THRB: variants seen among roughly 807,000 people sequenced by gnomAD.
The protein encoded by THRB is thyroid hormone receptor beta, also known as nuclear receptor subfamily 1 group A member 2.
A neutral mutation model predicts 47.8 loss-of-function variants in THRB; 12 were observed. The ratio of observed to expected loss-of-function variants is 0.25; its 90% confidence interval spans 0.16 to 0.41. The LOEUF (loss-of-function observed/expected upper bound fraction) is 0.41, where lower values mean the gene tolerates loss of function less well. Ranked by LOEUF, THRB falls within the 10% of genes least tolerant of loss-of-function variation. The pLI, the probability that THRB is intolerant of heterozygous loss-of-function variation, is 1.00. For missense variants in THRB, 348 were observed against 589.2 expected (o/e 0.59, Z 4.24); for synonymous variants, 218 against 212.2 (o/e 1.03, Z -0.24).
chr3:24,437,958 C>T (rs9837475), intron 1 of THRB, among the ~76,000 whole-genome samples: 10 of 151,636 alleles, frequency 6.6e-5, no homozygotes, highest in African/African-American at 1.2e-4. Flanking sequence ...ACAAGCAGGA[C>T]GGCATCTTAA....
chr3:24,478,547 A>T (rs1695829815), intron 1 of THRB, among the ~76,000 whole-genome samples: 1 of 152,180 alleles, frequency 6.6e-6, no homozygotes, highest in African/African-American at 2.4e-5. Context: ...ATTGTTTACA[A>T]TGCAGATGGG....
intron 3 of THRB, among the ~76,000 whole-genome samples, chr3:24,263,677 C>G (rs2052331778): frequency 6.7e-6 from 1 of 150,100 alleles, no homozygotes; most frequent in African/African-American, 2.5e-5. Context: ...ACAGAGTGGG[C>G]ACTCAATAAA....
chr3:24,438,385 G>T (rs2125368426), intron 1 of THRB, among the ~76,000 whole-genome samples: 1 of 152,230 alleles, frequency 6.6e-6, no homozygotes, highest in South Asian at 2.1e-4. Context: ...GACACCAACT[G>T]ATCTTCATGT....
intron 9 of THRB, among the ~76,000 whole-genome samples, chr3:24,128,304 A>G (rs2033256046): frequency 6.6e-6 from 1 of 152,176 alleles, no homozygotes; most frequent in African/African-American, 2.4e-5. Flanking sequence ...CAGAGATATA[A>G]GCTTCATCTA....
intron 3 of THRB, among the ~76,000 whole-genome samples, chr3:24,241,219 G>T (rs961808520): frequency 2.6e-5 from 4 of 151,964 alleles, no homozygotes; most frequent in African/African-American, 7.2e-5. Flanking sequence ...AACCACACAG[G>T]ATGCAGAAAA....
At chr3:24,161,822 TCCCCCA>T (rs1289378891) in intron 5 of THRB, among the ~76,000 whole-genome samples, 102 of 109,336 alleles carry the variant, frequency 9.3e-4, no homozygotes, top group Admixed American at 1.4e-3. Flanking sequence ...AGGACAACCC[TCCCCCA>T]CCCCCACCCC....
chr3:24,135,067 C>A (rs2148912183), intron 8 of THRB, among the ~76,000 whole-genome samples: 1 of 152,240 alleles, frequency 6.6e-6, no homozygotes, highest in East Asian at 1.9e-4. Flanking sequence ...TGGGAATCTG[C>A]ATTTCTAACA....
chr3:24,404,797 A>T (rs972559627), intron 1 of THRB, among the ~76,000 whole-genome samples: 2 of 151,878 alleles, frequency 1.3e-5, no homozygotes, highest in Admixed American at 6.6e-5. Context: ...AATTTTTAAG[A>T]ATAAGATCAA....
chr3:24,420,715 G>A (rs2069164239), intron 1 of THRB, among the ~76,000 whole-genome samples: 1 of 151,800 alleles, frequency 6.6e-6, no homozygotes, highest in Admixed American at 6.6e-5. Context: ...TGCTGGCAAG[G>A]TTGCAGAGTA....
rs573886832 is a variant in THRB at position 24,170,732 on chromosome 3, T to A, written c.284-18242A>T. On this transcript the variant is annotated intron_variant, in intron 5 of 10. Transcript: ENST00000646209. ...TGTTTGGATGGAGCCTAAGTGACAT[T>A]TTGTGTGTCAGGAACCTCTTGATAC... 2.6e-5 allele frequency among the ~76,000 whole-genome samples: 4 copies of A among 152,222 alleles called. No homozygotes were observed. In the East Asian group the frequency reaches 7.7e-4, roughly 29 times the overall value.
intron 1 of THRB, among the ~76,000 whole-genome samples, chr3:24,437,261 C>T (rs962001918): frequency 5.9e-5 from 9 of 151,498 alleles, no homozygotes; most frequent in African/African-American, 1.9e-4. Flanking sequence ...GAGGTCATTG[C>T]GTTAAGTGAA....
At chr3:24,156,791 C>T (rs2037924481) in intron 5 of THRB, among the ~76,000 whole-genome samples, 2 of 152,168 alleles carry the variant, frequency 1.3e-5, no homozygotes, top group East Asian at 1.9e-4. Flanking sequence ...TGAACCTCCT[C>T]AGTTCATCCT....
rs1184707784 is a variant in THRB at position 24,120,298 on chromosome 3, T to C, written c.*2586A>G. The C allele has an allele frequency of 6.6e-6, 1 of 152,196 alleles. No homozygotes were observed. The highest frequency in any genetic ancestry group is 1.5e-5 in the Non-Finnish European group (1 of 68,050). 9.4% of individuals were successfully genotyped at this position (152,196 alleles called of 1,614,324 possible). A position where few individuals can be genotyped will look rare whatever the true frequency, so the allele number is the denominator to read the frequency against. On this transcript the variant is annotated 3_prime_UTR_variant, in exon 11 of 11. Transcript: ENST00000646209. The stretch of plus-strand genomic sequence containing the variant: ...GATTTCCAGACCAGCAGTTTGCCTA[T>C]TGAAGGCAATCAATCATTTAAGGTG...
intron 1 of THRB, among the ~76,000 whole-genome samples, chr3:24,351,096 AT>A (rs1479724141): frequency 1.3e-5 from 2 of 151,984 alleles, no homozygotes; most frequent in South Asian, 2.1e-4. Flanking sequence ...AATAGCAGAA[AT>A]TTTTTTCTTG....
intron 2 of THRB, among the ~76,000 whole-genome samples, chr3:24,329,686 T>C (rs2061795206): frequency 6.6e-6 from 1 of 152,216 alleles, no homozygotes; most frequent in Non-Finnish European, 1.5e-5. Context: ...GCACAATAAT[T>C]GGCCCAGTTC....
chr3:24,283,432 C>A (rs1310983101), intron 3 of THRB, among the ~76,000 whole-genome samples: 7 of 151,898 alleles, frequency 4.6e-5, no homozygotes, highest in Admixed American at 4.6e-4. Context: ...TGGGACGTAT[C>A]TCAAAATAAT....
intron 1 of THRB, among the ~76,000 whole-genome samples, chr3:24,360,927 T>C (rs1193423868): frequency 1.3e-5 from 2 of 152,150 alleles, no homozygotes; most frequent in African/African-American, 2.4e-5. Context: ...CGAACATCAG[T>C]ATTTTTGAAA....
intron 3 of THRB, among the ~76,000 whole-genome samples, chr3:24,284,260 C>G: frequency 6.6e-6 from 1 of 151,644 alleles, no homozygotes; most frequent in Non-Finnish European, 1.5e-5. Flanking sequence ...AGAACAGAGC[C>G]CTCAGAAATA....
intron 5 of THRB, 51 bp downstream of exon 5, chr3:24,190,022 AT>A (rs551752039): frequency 2.1e-5 from 33 of 1,558,498 alleles, no homozygotes; most frequent in East Asian, 4.5e-5. Flanking sequence ...CAACAGGGAT[AT>A]TTTTTTTCTT....
Sources: allele counts gnomAD v4.1 joint callset (sites outside exome capture counted in the v4.1 genomes callset), GRCh38; gene constraint gnomAD v4.1.1; transcripts MANE v1.5; gene names NCBI Gene and HGNC (gene_info 2026-07-23, HGNC 2026-07-21).